The following ZSCAN5A variants were observed in gnomAD, a reference collection of about 807,000 sequenced individuals.
ZSCAN5A encodes zinc finger and SCAN domain-containing protein 5A.
Under a neutral mutation model 23.7 loss-of-function variants are expected in ZSCAN5A, and 12 were observed. The ratio of observed to expected loss-of-function variants is 0.51; its 90% CI spans 0.32 to 0.82. The LOEUF (loss-of-function observed/expected upper bound fraction) is 0.82, where lower values mean the gene tolerates loss of function less well. Ranked by LOEUF, ZSCAN5A falls within the 40% of genes least tolerant of loss-of-function variation. The pLI, the probability that ZSCAN5A is intolerant of heterozygous loss-of-function variation, is 0.03. For missense variants in ZSCAN5A, 597 were observed against 617.9 expected, an observed-to-expected ratio of 0.97 and a Z score of 0.36; for synonymous variants, 257 against 239.9, an observed-to-expected ratio of 1.07 and a Z score of -0.66.
upstream of ZSCAN5A, chr19:56,316,149 C>T (rs977634853): frequency 1.3e-5 from 2 of 152,354 alleles, no homozygotes; most frequent in Non-Finnish European, 2.9e-5. Flanking sequence ...AATCATGGTT[C>T]TTTACTGAGC....
At chr19:56,326,611 C>G (rs2041436738) in intron 2 of ZSCAN5A, among the ~76,000 whole-genome samples, 2 of 152,036 alleles carry the variant, frequency 1.3e-5, no homozygotes. Context: ...TATTTCACTT[C>G]CCATAGTGTA....
chr19:56,239,931 A>T (rs559863968), intron 2 of ZSCAN5A, among the ~76,000 whole-genome samples: 146 of 152,250 alleles, frequency 9.6e-4, no homozygotes, highest in African/African-American at 3.3e-3. Context: ...TGGGAGGCCG[A>T]GGTGGGCAGA....
At chr19:56,287,303 A>G in intron 2 of ZSCAN5A, among the ~76,000 whole-genome samples, 1 of 152,196 alleles carries the variant, frequency 6.6e-6, no homozygotes, top group East Asian at 1.9e-4. Flanking sequence ...GAAACCTATG[A>G]CTGAGTTTTG....
chr19:56,224,178 T>G lies in ZSCAN5A; in HGVS notation c.385-344A>C, dbSNP rs62122490. 3.7e-3 allele frequency: 989 copies of G among 264,672 alleles called. 5 individuals are homozygous for G. Among genetic ancestry groups the G allele is most frequent in the Admixed American group, 4.8e-3 (96 of 20,094 alleles). The allele number at this position is 264,672 out of a possible 1,614,324, so 16.4% of individuals were successfully genotyped here. ...CTTGTATTAGAACTTAGGGGCTCATTTGGGGACCTGGGGGCAGATCCCTGC... is the reference window on the plus strand; with the variant it reads ...CTTGTATTAGAACTTAGGGGCTCATGTGGGGACCTGGGGGCAGATCCCTGC... On this transcript the variant is annotated intron_variant, in intron 3 of 5. Coordinates refer to ENST00000683990, the MANE Select transcript of ZSCAN5A (RefSeq NM_001322064.3).
Position 56,225,103 on chromosome 19 carries a change from C to G in ZSCAN5A, c.-57G>C. 9 of 1,522,928 alleles carry G rather than the reference C, an allele frequency of 5.9e-6. No homozygotes were observed. Among genetic ancestry groups the G allele is most frequent in the African/African-American group, 1.4e-5 (1 of 72,262 alleles). The allele number at this position is 1,522,928 out of a possible 1,614,324, so 94.3% of individuals were successfully genotyped here. On this transcript the variant is annotated 5_prime_UTR_variant, in exon 3 of 6. Coordinates refer to ENST00000683990, the MANE Select transcript of ZSCAN5A (RefSeq NM_001322064.3). ...AGAAAGCTCTTCCAGTAGCTGGTAT[C>G]TAATTGATACCTATCTACACAGGCT...
At chr19:56,234,505 AAAC>A (rs1284824351) in intron 2 of ZSCAN5A, among the ~76,000 whole-genome samples, 1 of 152,148 alleles carries the variant, frequency 6.6e-6, no homozygotes, top group African/African-American at 2.4e-5. Context: ...TTTAAAAAAA[AAAC>A]AACAAGGAAG....
At chr19:56,301,661 G>A (rs1474661735) in intron 2 of ZSCAN5A, among the ~76,000 whole-genome samples, 1 of 152,090 alleles carries the variant, frequency 6.6e-6, no homozygotes, top group African/African-American at 2.4e-5. Flanking sequence ...TATTCAAGAC[G>A]GAGTCACTCT....
intron 2 of ZSCAN5A, among the ~76,000 whole-genome samples, chr19:56,275,464 C>G (rs1383825242): frequency 6.6e-6 from 1 of 152,216 alleles, no homozygotes; most frequent in African/African-American, 2.4e-5. Flanking sequence ...GGTGCAGTGG[C>G]TCAAGCCTTT....
intron 2 of ZSCAN5A, among the ~76,000 whole-genome samples, chr19:56,335,291 T>C (rs1003200923): frequency 1.3e-5 from 2 of 151,012 alleles, no homozygotes; most frequent in East Asian, 1.9e-4. Context: ...CCAAGAAATA[T>C]GGGATTGTGT....
At chr19:56,240,052 C>T (rs955712440) in intron 2 of ZSCAN5A, among the ~76,000 whole-genome samples, 7 of 152,044 alleles carry the variant, frequency 4.6e-5, no homozygotes, top group Admixed American at 3.3e-4. Flanking sequence ...ATCCCAGCTA[C>T]TCATGAGGCT....
intron 2 of ZSCAN5A, among the ~76,000 whole-genome samples, chr19:56,281,884 G>GC (rs951810230): frequency 1.4e-4 from 21 of 152,206 alleles, no homozygotes; most frequent in Non-Finnish European, 2.2e-4. Flanking sequence ...TGGGAACGGT[G>GC]CAACTGGATG....
intron 2 of ZSCAN5A, chr19:56,297,504 G>A: frequency 4.1e-6 from 4 of 978,488 alleles, no homozygotes; most frequent in Non-Finnish European, 4.8e-6. Flanking sequence ...TTCATTTTTA[G>A]AAGAAACAAG....
intron 2 of ZSCAN5A, among the ~76,000 whole-genome samples, chr19:56,358,676 A>C (rs2041713491): frequency 6.6e-6 from 1 of 152,244 alleles, no homozygotes; most frequent in Admixed American, 6.5e-5. Context: ...ACATAATTAG[A>C]AGTAAACCAC....
At chr19:56,242,340 G>A (rs2035493367) in intron 2 of ZSCAN5A, among the ~76,000 whole-genome samples, 4 of 152,196 alleles carry the variant, frequency 2.6e-5, no homozygotes, top group East Asian at 1.9e-4. Context: ...TTCATCTGAG[G>A]TGTCCACAGA....
chr19:56,245,154 A>T (rs1600078467), intron 2 of ZSCAN5A: 1 of 469,662 alleles, frequency 2.1e-6, no homozygotes, highest in Non-Finnish European at 3.9e-6. Context: ...TTATGGCAGG[A>T]CCCAGGGAAT....
rs75408560 is a variant in ZSCAN5A at position 56,250,900 on chromosome 19, C to T, written c.-127-25727G>A. Among the ~76,000 whole-genome samples, 463 of 152,260 alleles carry T rather than the reference C, an allele frequency of 3.0e-3. 2 individuals are homozygous for T. The highest frequency in any genetic ancestry group is 9.5e-3 in the African/African-American group (396 of 41,546). On this transcript the variant is annotated intron_variant, in intron 2 of 5. Coordinates refer to ENST00000683990, the MANE Select transcript of ZSCAN5A (RefSeq NM_001322064.3). ...TATTCAACTAAATGACCACTGATCC[C>T]AGCACTTTGGGAGGCCAAGGCAGGC...
At chr19:56,322,784 A>G (rs907997742) in intron 2 of ZSCAN5A, among the ~76,000 whole-genome samples, 2 of 152,102 alleles carry the variant, frequency 1.3e-5, no homozygotes, top group African/African-American at 2.4e-5. Context: ...ACTCCTGTAT[A>G]CTTTAAATCA....
chr19:56,345,251 C>A lies in ZSCAN5A; in HGVS notation c.-358+17984G>T, dbSNP rs190850774. Among the ~76,000 whole-genome samples the A allele has an allele frequency of 6.0e-3, 911 of 152,232 alleles. 5 individuals are homozygous for A. Among genetic ancestry groups the A allele is most frequent in the Admixed American group, 8.0e-3 (123 of 15,300 alleles). Reference sequence around the variant, plus strand: ...TGAAAAAGCATTTGAGTAGTCTTTTCTTTTTCTGATAATTTGATGTACACT... The same window carrying A: ...TGAAAAAGCATTTGAGTAGTCTTTTATTTTTCTGATAATTTGATGTACACT... On this transcript the variant is annotated intron_variant, in intron 2 of 6. Transcript: ENST00000587340.
intron 2 of ZSCAN5A, among the ~76,000 whole-genome samples, chr19:56,254,559 G>A (rs2036571778): frequency 6.6e-6 from 1 of 152,098 alleles, no homozygotes; most frequent in Admixed American, 6.6e-5. Flanking sequence ...ACGTTGCAAT[G>A]AACATAGGAG....
Sources: gnomAD v4.1 joint callset for allele counts (sites outside exome capture counted in the v4.1 genomes callset) on GRCh38, gnomAD v4.1.1 for gene constraint, MANE v1.5 for transcripts, NCBI Gene and HGNC (gene_info 2026-07-23, HGNC 2026-07-21) for gene names.